FMN2: variants seen among roughly 807,000 people sequenced by gnomAD.
FMN2 encodes the protein formin-2.
In FMN2, 51 loss-of-function variants were observed where a neutral mutation model predicts 142.3. That is an observed-to-expected ratio of 0.36 (90% CI 0.29 to 0.45). FMN2 has a LOEUF of 0.45. FMN2 is among the 20% of genes least tolerant of loss of function. FMN2 has a pLI of 1.00. For missense variants in FMN2, 1,936 were observed against 2,122.8 expected (o/e 0.91, Z 1.73); for synonymous variants, 882 against 869.8 (o/e 1.01, Z -0.25).
At chr1:240,406,166 G>T (rs111886539) in intron 15 of FMN2, among the ~76,000 whole-genome samples, 1,858 of 54,064 alleles carry the variant, frequency 0.034, 117 homozygotes, top group East Asian at 0.19. Context: ...AGCCTCGGGA[G>T]TGGGGGGAGC....
intron 6 of FMN2, among the ~76,000 whole-genome samples, chr1:240,228,915 T>C (rs1449143703): frequency 6.6e-6 from 1 of 152,130 alleles, no homozygotes; most frequent in East Asian, 1.9e-4. Context: ...TTTTCTTTGC[T>C]TTTGATGAAG....
intron 1 of FMN2, among the ~76,000 whole-genome samples, chr1:240,109,406 C>T (rs1661726211): frequency 6.6e-6 from 1 of 152,186 alleles, no homozygotes; most frequent in Non-Finnish European, 1.5e-5. Context: ...AGGTTACATG[C>T]ACCATCAAGG....
intron 14 of FMN2, among the ~76,000 whole-genome samples, chr1:240,362,784 T>TA (rs1468249689): frequency 7.2e-5 from 11 of 152,244 alleles, no homozygotes; most frequent in East Asian, 1.9e-4. Context: ...GCAATTTCTT[T>TA]AAAAAAAGGA....
At chr1:240,350,175 A>G (rs1672043114) in intron 13 of FMN2, among the ~76,000 whole-genome samples, 1 of 152,212 alleles carries the variant, frequency 6.6e-6, no homozygotes, top group Admixed American at 6.5e-5. Context: ...CTAGAACGTG[A>G]CATTCTATTT....
At chr1:240,099,782 G>C (rs562371827) in intron 1 of FMN2, among the ~76,000 whole-genome samples, 4 of 152,098 alleles carry the variant, frequency 2.6e-5, no homozygotes, top group African/African-American at 9.6e-5. Context: ...CACTTTCTCT[G>C]TACTTTACTG....
At chr1:240,154,808 T>C (rs1164052836) in intron 2 of FMN2, 6 of 130,574 alleles carry the variant, frequency 4.6e-5, no homozygotes, top group Non-Finnish European at 1.0e-4. Flanking sequence ...GAAAGGAATA[T>C]GCTAATTTTT....
rs1336516467 is a variant in FMN2 at position 240,358,707 on chromosome 1, A to G, written c.4858+2799A>G. On this transcript the variant is annotated intron_variant, in intron 14 of 17. Transcript: ENST00000319653. Reference sequence around the variant, plus strand: ...GTGAGAACTCACTCCCTATCATAAGAACGGCATGGAGAAATGGCCCCCATG... The same window carrying G: ...GTGAGAACTCACTCCCTATCATAAGGACGGCATGGAGAAATGGCCCCCATG... Among the ~76,000 whole-genome samples the G allele has an allele frequency of 5.3e-5, 8 of 152,264 alleles. No homozygotes were observed. In the East Asian group the frequency reaches 1.5e-3, roughly 29 times the overall value.
Position 240,310,731 on chromosome 1 carries a change from G to A in FMN2, c.4215+15848G>A, listed in dbSNP as rs761216009. On this transcript the variant is annotated intron_variant, in intron 8 of 17. Coordinates refer to ENST00000319653, the MANE Select transcript of FMN2 (RefSeq NM_020066.5). ...ATATACTCCTTATATGGCAAAGTGA[G>A]CTTGTGAGGTGGATAGGAAGCAGTA... 1.2e-3 allele frequency among the ~76,000 whole-genome samples: 184 copies of A among 152,296 alleles called. 1 individual carries two copies. Among genetic ancestry groups the A allele is most frequent in the Non-Finnish European group, 1.1e-3 (75 of 68,024 alleles).
chr1:240,183,658 T>G (rs1320558278), intron 3 of FMN2, among the ~76,000 whole-genome samples: 1 of 151,888 alleles, frequency 6.6e-6, no homozygotes, highest in Non-Finnish European at 1.5e-5. Flanking sequence ...TTGTTGACAA[T>G]GAGAGGCAGA....
chr1:240,321,167 A>G (rs993537865), intron 8 of FMN2, among the ~76,000 whole-genome samples: 3 of 149,258 alleles, frequency 2.0e-5, no homozygotes, highest in African/African-American at 7.4e-5. Context: ...TTTTTTTTTC[A>G]TTGAACACCA....
intron 6 of FMN2, among the ~76,000 whole-genome samples, chr1:240,257,520 T>A (rs1321908232): frequency 1.3e-5 from 2 of 152,226 alleles, no homozygotes; most frequent in Non-Finnish European, 2.9e-5. Context: ...TATTTTGCGC[T>A]TCACTTGCTG....
intron 4 of FMN2, among the ~76,000 whole-genome samples, chr1:240,194,535 A>C (rs1466724205): frequency 2.0e-5 from 3 of 152,202 alleles, no homozygotes; most frequent in Non-Finnish European, 4.4e-5. Context: ...CTCAGAAGTG[A>C]AAAACTGCAA....
rs143658840 is a variant in FMN2, at chr1:240,156,467, T to A, written c.1783-21454T>A. 1.6e-4 allele frequency among the ~76,000 whole-genome samples: 24 copies of A among 152,332 alleles called. No individual in the cohort carries two copies. In the East Asian group the frequency reaches 2.9e-3, roughly 18 times the overall value. On this transcript the variant is annotated intron_variant, in intron 2 of 17. Coordinates refer to ENST00000319653, the MANE Select transcript of FMN2 (RefSeq NM_020066.5). ...TTTTAATTCATCCATGTTGCTCTTGTTACATTTCCAAAGGAAGTGCTACAG... is the reference window on the plus strand; with the variant it reads ...TTTTAATTCATCCATGTTGCTCTTGATACATTTCCAAAGGAAGTGCTACAG...
At chr1:240,449,010 C>T (rs1205004988) in intron 16 of FMN2, among the ~76,000 whole-genome samples, 11 of 151,630 alleles carry the variant, frequency 7.3e-5, no homozygotes, top group Non-Finnish European at 1.3e-4. Context: ...GGCGTGGTGG[C>T]GCCTTCCTGA....
intron 7 of FMN2, among the ~76,000 whole-genome samples, chr1:240,263,181 C>T (rs1049509224): frequency 6.6e-6 from 1 of 152,182 alleles, no homozygotes; most frequent in African/African-American, 2.4e-5. Context: ...TCCTGGCCAT[C>T]TCAAGCAAAA....
chr1:240,241,122 A>T (rs1343449131), intron 6 of FMN2, among the ~76,000 whole-genome samples: 1 of 152,184 alleles, frequency 6.6e-6, no homozygotes, highest in Non-Finnish European at 1.5e-5. Context: ...TGAAATTTAG[A>T]AATGCAACCT....
At chr1:240,405,515 G>A (rs1350905344) in intron 15 of FMN2, among the ~76,000 whole-genome samples, 1 of 152,072 alleles carries the variant, frequency 6.6e-6, no homozygotes, top group East Asian at 1.9e-4. Flanking sequence ...CTACTCAGGA[G>A]GCTGAGGCAG....
intron 7 of FMN2, among the ~76,000 whole-genome samples, chr1:240,265,793 A>G (rs1031972871): frequency 6.6e-6 from 1 of 151,996 alleles, no homozygotes; most frequent in Non-Finnish European, 1.5e-5. Context: ...ACCTGCACCC[A>G]TATTAAGCAC....
intron 16 of FMN2, among the ~76,000 whole-genome samples, chr1:240,461,628 A>G (rs1676455268): frequency 6.6e-6 from 1 of 152,244 alleles, no homozygotes. Flanking sequence ...TTTCATAGTA[A>G]TAATGGCTAG....
Sources: gnomAD v4.1 joint callset for allele counts (sites outside exome capture counted in the v4.1 genomes callset) on GRCh38, gnomAD v4.1.1 for gene constraint, MANE v1.5 for transcripts, NCBI Gene and HGNC (gene_info 2026-07-23, HGNC 2026-07-21) for gene names.